The following EXOC6B variants were observed in gnomAD, a reference collection of about 807,000 sequenced individuals.
The protein encoded by EXOC6B is exocyst complex component 6B.
Under a neutral mutation model 113.5 loss-of-function variants are expected in EXOC6B, and 54 were observed. That is an observed-to-expected ratio of 0.48 (90% confidence interval 0.38 to 0.60). EXOC6B has a LOEUF of 0.60. Among genes scored for constraint, EXOC6B ranks in the 20% least tolerant of loss-of-function variants. The pLI, the probability that EXOC6B is intolerant of heterozygous loss-of-function variation, is 0.00. For synonymous variants in EXOC6B, 357 were observed against 339.0 expected, an observed-to-expected ratio of 1.05 and a Z score of -0.58; for missense variants, 797 against 977.5, an observed-to-expected ratio of 0.82 and a Z score of 2.46.
chr2:72,616,286 C>A (rs1276063526), intron 6 of EXOC6B, among the ~76,000 whole-genome samples: 1 of 151,914 alleles, frequency 6.6e-6, no homozygotes, highest in African/African-American at 2.4e-5. Context: ...TTCTGAAATT[C>A]ATATAAGAGC....
Position 72,825,664 on chromosome 2 carries a change from G to A in EXOC6B, c.113+134C>T. ...GGGGCTGCGAAGGGAGACCCGCCTC[G>A]CCCGGTATGCAGGGTCTCTCCGAAG... On this transcript the variant is annotated intron_variant, in intron 1 of 21. Transcript: ENST00000272427. The surrounding 1 kb of genome is among the most constrained non-coding windows in gnomAD (Gnocchi z 4.4). 1 of 1,117,756 alleles carries A rather than the reference G, an allele frequency of 8.9e-7. No homozygotes were observed. Among genetic ancestry groups the A allele is most frequent in the Non-Finnish European group, 1.2e-6 (1 of 842,778 alleles). 69.2% of individuals were successfully genotyped at this position (1,117,756 alleles called of 1,614,324 possible). A position where few individuals can be genotyped will look rare whatever the true frequency, so the allele number is the denominator to read the frequency against.
At chr2:72,556,248 CT>C (rs1401219817) in intron 8 of EXOC6B, among the ~76,000 whole-genome samples, 1 of 152,200 alleles carries the variant, frequency 6.6e-6, no homozygotes, top group African/African-American at 2.4e-5. Context: ...AGAGCTATGC[CT>C]GGGAAAGCTT....
At chr2:72,406,948 A>T (rs1693816304) in intron 18 of EXOC6B, among the ~76,000 whole-genome samples, 1 of 152,172 alleles carries the variant, frequency 6.6e-6, no homozygotes, top group African/African-American at 2.4e-5. Context: ...CAAAATTGAT[A>T]GACTAATAAA....
chr2:72,197,712 T>C (rs1679257971), intron 20 of EXOC6B, among the ~76,000 whole-genome samples: 2 of 152,012 alleles, frequency 1.3e-5, no homozygotes, highest in African/African-American at 4.8e-5. Flanking sequence ...GCTGACTGAA[T>C]GTTGGAGGAG....
At chr2:72,349,158 T>C (rs1572950891) in intron 19 of EXOC6B, among the ~76,000 whole-genome samples, 1 of 152,116 alleles carries the variant, frequency 6.6e-6, no homozygotes, top group African/African-American at 2.4e-5. Flanking sequence ...ATGAAGATAA[T>C]AATATTTCAC....
chr2:72,481,172 C>G (rs775953285), intron 16 of EXOC6B, among the ~76,000 whole-genome samples: 33 of 152,172 alleles, frequency 2.2e-4, no homozygotes, highest in Non-Finnish European at 4.4e-5. Context: ...CCTTTGCCTT[C>G]CACCATGATT....
At chr2:72,642,790 T>C (rs1375065810) in intron 6 of EXOC6B, among the ~76,000 whole-genome samples, 1 of 151,818 alleles carries the variant, frequency 6.6e-6, no homozygotes, top group African/African-American at 2.4e-5. Flanking sequence ...AAAGAGCTTC[T>C]GCACAGCAAA....
At chr2:72,179,489 A>T (rs1395873906) in intron 21 of EXOC6B, 28 bp from the exon 22 acceptor site, 79 of 1,613,306 alleles carry the variant, frequency 4.9e-5, no homozygotes, top group Non-Finnish European at 6.4e-5. Context: ...GAAAGAGGGC[A>T]ACATGTTTGA....
At chr2:72,532,756 C>T (rs1415285437) in intron 8 of EXOC6B, among the ~76,000 whole-genome samples, 3 of 151,762 alleles carry the variant, frequency 2.0e-5, no homozygotes, top group African/African-American at 4.8e-5. Context: ...TGCAGTGAGC[C>T]GATATTGCGC....
chr2:72,636,018 A>G (rs1251283041), intron 6 of EXOC6B, among the ~76,000 whole-genome samples: 2 of 152,168 alleles, frequency 1.3e-5, no homozygotes, highest in Non-Finnish European at 2.9e-5. Flanking sequence ...GAAGTTCAAG[A>G]AAAGCCTAAG....
chr2:72,562,302 T>G (rs191348674), intron 7 of EXOC6B, among the ~76,000 whole-genome samples: 1 of 151,908 alleles, frequency 6.6e-6, no homozygotes, highest in African/African-American at 2.4e-5. Flanking sequence ...TAAAAAGGGG[T>G]GGGGAAGAGT....
At chr2:72,250,276 C>A (rs1682929720) in intron 20 of EXOC6B, among the ~76,000 whole-genome samples, 1 of 152,108 alleles carries the variant, frequency 6.6e-6, no homozygotes, top group Non-Finnish European at 1.5e-5. Context: ...TTACATCAGA[C>A]CAAATTAATC....
intron 18 of EXOC6B, among the ~76,000 whole-genome samples, chr2:72,436,216 A>C (rs944978617): frequency 7.2e-5 from 11 of 152,290 alleles, no homozygotes; most frequent in Non-Finnish European, 1.6e-4. Context: ...AAAAATGTTG[A>C]ATATTGGCCC....
At chr2:72,750,492 T>C (rs947688323) in intron 1 of EXOC6B, among the ~76,000 whole-genome samples, 4 of 152,052 alleles carry the variant, frequency 2.6e-5, no homozygotes, top group African/African-American at 7.2e-5. Context: ...CCACACAAGA[T>C]GGGGAGTCAA....
At position 72,260,497 on chromosome 2, in the gene EXOC6B, C is replaced by T. The variant is rs74814253; in HGVS notation, c.2196+74450G>A. ...AACTGATTTAAAATATGTCACCACA[C>T]AGATCAAGTTCAAAGATTCCCTTTT... On this transcript the variant is annotated intron_variant, in intron 20 of 21. Coordinates refer to ENST00000272427, the MANE Select transcript of EXOC6B (RefSeq NM_015189.3). 9.2e-3 allele frequency among the ~76,000 whole-genome samples: 1,407 copies of T among 152,298 alleles called. 22 individuals are homozygous for T. Among genetic ancestry groups the T allele is most frequent in the African/African-American group, 0.031 (1,306 of 41,560 alleles).
At chr2:72,381,213 T>C (rs541090624) in intron 18 of EXOC6B, among the ~76,000 whole-genome samples, 14 of 152,334 alleles carry the variant, frequency 9.2e-5, no homozygotes, top group East Asian at 1.9e-4. Context: ...TGTAGGTCCT[T>C]CTGCAACTTC....
chr2:72,421,027 A>G (rs940749760), intron 18 of EXOC6B, among the ~76,000 whole-genome samples: 1 of 152,110 alleles, frequency 6.6e-6, no homozygotes, highest in African/African-American at 2.4e-5. Flanking sequence ...TGGCTGCATA[A>G]ATGTCTTCTT....
At chr2:72,524,150 TA>T (rs372964134) in intron 8 of EXOC6B, among the ~76,000 whole-genome samples, 14,140 of 116,738 alleles carry the variant, frequency 0.12, 1,156 homozygotes, top group African/African-American at 0.27. Context: ...ATACAGAGTT[TA>T]AAAAAAAAAA....
chr2:72,272,496 C>T (rs1159949234), intron 20 of EXOC6B, among the ~76,000 whole-genome samples: 3 of 152,120 alleles, frequency 2.0e-5, no homozygotes, highest in African/African-American at 7.2e-5. Context: ...CTTTCCTCAT[C>T]ACTGCATTGA....
Sources: gnomAD v4.1 joint callset for allele counts (sites outside exome capture counted in the v4.1 genomes callset) on GRCh38, gnomAD v4.1.1 for gene constraint, Gnocchi (gnomAD v3.1) non-coding constraint, MANE v1.5 for transcripts, NCBI Gene and HGNC (gene_info 2026-07-23, HGNC 2026-07-21) for gene names.